The following NDE1 variants were observed in gnomAD, a reference collection of about 807,000 sequenced individuals.
NDE1 encodes nuclear distribution protein nudE homolog 1.
In NDE1, 28 loss-of-function variants were observed where a neutral mutation model predicts 43.4. The ratio of observed to expected loss-of-function variants is 0.65; its 90% confidence interval spans 0.48 to 0.89. The LOEUF is 0.89. Among genes scored for constraint, NDE1 ranks in the 40% least tolerant of loss-of-function variants. NDE1 has a pLI of 0.00. For missense variants in NDE1, 441 were observed against 434.1 expected (o/e 1.02, Z -0.14); for synonymous variants, 184 against 172.0 (o/e 1.07, Z -0.55).
At chr16:15,657,403 A>G (rs1317059788) in intron 1 of NDE1, among the ~76,000 whole-genome samples, 2 of 151,806 alleles carry the variant, frequency 1.3e-5, no homozygotes, top group Non-Finnish European at 2.9e-5. Context: ...CCAGCCACCA[A>G]TATCTTAATG....
rs1418678410 is a variant in NDE1, at chr16:15,719,718, A to T, written c.948-4473A>T. 2 of 1,614,012 alleles carry T rather than the reference A, an allele frequency of 1.2e-6. No homozygotes were observed. Among genetic ancestry groups the T allele is most frequent in the African/African-American group, 2.7e-5 (2 of 74,930 alleles). Reference sequence around the variant, plus strand: ...TTGAAAGTCCTTCATCTGAGCCTGCATGAGTCAACAGGGAGGACAAGCTCA... The same window carrying T: ...TTGAAAGTCCTTCATCTGAGCCTGCTTGAGTCAACAGGGAGGACAAGCTCA... On this transcript the variant is annotated intron_variant, in intron 8 of 8. Transcript: ENST00000396354.
intron 5 of NDE1, 46 bp from the exon 6 acceptor site, chr16:15,691,098 G>C: frequency 6.2e-7 from 1 of 1,612,506 alleles, no homozygotes; most frequent in South Asian, 1.1e-5. Context: ...ATGAGCCACT[G>C]CGCCTGGCTG....
Position 15,724,175 on chromosome 16 carries a change from T to C in NDE1, c.948-16T>C. ...ACGCCCTCTACCTGATCAAATTTCC[T>C]CTGCTTCTTTTCCAGGTTGGACACG... On this transcript the variant is annotated splice_polypyrimidine_tract_variant and intron_variant, in intron 8 of 8. Transcript: ENST00000396354. 1 of 1,613,782 alleles carries C rather than the reference T, an allele frequency of 6.2e-7. No individual in the cohort carries two copies. The highest frequency in any genetic ancestry group is 8.5e-7 in the Non-Finnish European group (1 of 1,180,046).
At chr16:15,690,414 G>A (rs928780684) in intron 5 of NDE1, among the ~76,000 whole-genome samples, 4 of 117,416 alleles carry the variant, frequency 3.4e-5, no homozygotes, top group Admixed American at 1.1e-4. Context: ...CCAGGCTGAA[G>A]TGGTATGATC....
In NDE1 at chr16:15,696,856, A is replaced by G. The variant is rs1411840314; in HGVS notation, c.943A>G (p.Lys315Glu). The change falls in exon 8 of 9, where the codon AAG becomes GAG. Residue 315 changes from lysine to glutamate, a missense_variant. Physicochemically the swap from Lys to Glu is moderately conservative, Grantham distance 56. Coordinates refer to ENST00000396354, the MANE Select transcript of NDE1 (RefSeq NM_017668.3). Reference protein sequence around the residue: ...PSSTSVPLGDKGLDTSCRWLS... With the variant: ...PSSTSVPLGDEGLDTSCRWLS... ...CAGCACCAGCGTGCCTTTGGGTGAT[A>G]AGGGGTCAGTACCTTCTAATAAACC... 2 of 1,614,054 alleles carry G rather than the reference A, an allele frequency of 1.2e-6. No homozygotes were observed. Among genetic ancestry groups the G allele is most frequent in the Admixed American group, 1.7e-5 (1 of 60,006 alleles).
intron 3 of NDE1, among the ~76,000 whole-genome samples, chr16:15,671,317 A>G (rs36108577): frequency 0.019 from 2,945 of 152,154 alleles, 77 homozygotes; most frequent in African/African-American, 0.055. Flanking sequence ...CAGCCTGGGC[A>G]ACATAGCGAG....
chr16:15,720,625 G>A (rs560934210), intron 8 of NDE1, among the ~76,000 whole-genome samples: 225 of 151,840 alleles, frequency 1.5e-3, no homozygotes, highest in African/African-American at 3.0e-3. Context: ...GGTGGCATGC[G>A]CCTGTAATCC....
chr16:15,669,245 G>A (rs1473588861), intron 3 of NDE1, among the ~76,000 whole-genome samples: 1 of 151,278 alleles, frequency 6.6e-6, no homozygotes, highest in Non-Finnish European at 1.5e-5. Context: ...CCAGGCTGGA[G>A]TGCAGTGGCA....
At chr16:15,708,404 C>A (rs967365746) in intron 8 of NDE1, among the ~76,000 whole-genome samples, 1 of 152,196 alleles carries the variant, frequency 6.6e-6, no homozygotes, top group African/African-American at 2.4e-5. Context: ...CATATTCATT[C>A]AGTGCAGTGT....
intron 5 of NDE1, among the ~76,000 whole-genome samples, chr16:15,690,101 C>T (rs1030807026): frequency 2.0e-5 from 3 of 151,914 alleles, no homozygotes; most frequent in Non-Finnish European, 2.9e-5. Flanking sequence ...AGTGCAGTGG[C>T]GTGATCTCAG....
upstream of NDE1, among the ~76,000 whole-genome samples, chr16:15,646,375 GAGACC>G (rs2036329804): frequency 6.6e-6 from 1 of 151,530 alleles, no homozygotes; most frequent in African/African-American, 2.4e-5. Context: ...TCAGGAGTTC[GAGACC>G]AGCCTGGCCA....
chr16:15,722,416 A>G (rs2040535280), intron 8 of NDE1, among the ~76,000 whole-genome samples: 1 of 152,178 alleles, frequency 6.6e-6, no homozygotes, highest in Non-Finnish European at 1.5e-5. Context: ...CTTCAGAGAG[A>G]ACAGAGCAGA....
intron 8 of NDE1, chr16:15,713,601 T>G (rs147007062): frequency 6.6e-6 from 1 of 152,236 alleles, no homozygotes; most frequent in Non-Finnish European, 1.5e-5. Flanking sequence ...GCTCCACTGA[T>G]CGTCCCACCT....
intron 1 of NDE1, among the ~76,000 whole-genome samples, chr16:15,658,252 G>C (rs188015922): frequency 1.1e-4 from 16 of 152,330 alleles, no homozygotes; most frequent in Admixed American, 1.0e-3. Context: ...TTTCATTTTT[G>C]ACAGCTATGC....
rs1596559589 is a variant in NDE1 at position 15,664,593 on chromosome 16, G to C, written c.-43-143G>C. On this transcript the variant is annotated intron_variant, in intron 1 of 8. Transcript: ENST00000396354. ...GGTGGTCTCGATCTCCTGACCTCGTGATCCGCCCGCCTCAGCCTCCCAAAG... is the reference window on the plus strand; with the variant it reads ...GGTGGTCTCGATCTCCTGACCTCGTCATCCGCCCGCCTCAGCCTCCCAAAG... The C allele has an allele frequency of 3.5e-5, 21 of 599,198 alleles. No homozygotes were observed. The East Asian group carries it at 6.0e-4, about 17-fold the overall frequency. The allele number at this position is 599,198 out of a possible 1,614,324, so 37.1% of individuals were successfully genotyped here.
chr16:15,686,427 C>A (rs2038442875), intron 4 of NDE1: 1 of 985,288 alleles, frequency 1.0e-6, no homozygotes, highest in Non-Finnish European at 1.2e-6. Context: ...TTATGCCCTT[C>A]ACAAGAAGGG....
rs1029427268 is a variant in NDE1 at position 15,680,938 on chromosome 16, T to C, written c.386+2989T>C. On this transcript the variant is annotated intron_variant, in intron 4 of 8. Coordinates refer to ENST00000396354, the MANE Select transcript of NDE1 (RefSeq NM_017668.3). ...ACTTTGTCTATTGTATCATTTTCCA[T>C]ACAAATATTTCCTTTTTTCTCTTTT... Among the ~76,000 whole-genome samples the C allele has an allele frequency of 3.3e-5, 5 of 152,198 alleles. No individual in the cohort carries two copies. The East Asian group carries it at 9.6e-4, about 29-fold the overall frequency.
At chr16:15,706,711 AAAAC>A (rs917560174) in intron 8 of NDE1, among the ~76,000 whole-genome samples, 2 of 152,126 alleles carry the variant, frequency 1.3e-5, no homozygotes, top group African/African-American at 2.4e-5. Context: ...TCCAAAAAAA[AAAAC>A]AAAAAAAAAT....
exon 1 of NDE1, chr16:15,643,505 C>T (rs988412183): frequency 2.6e-6 from 1 of 385,646 alleles, no homozygotes; most frequent in Non-Finnish European, 5.1e-6. Flanking sequence ...TAGAATTCAG[C>T]TCTTTCAGGC....
Sources: allele counts gnomAD v4.1 joint callset (sites outside exome capture counted in the v4.1 genomes callset), GRCh38; gene constraint gnomAD v4.1.1; transcripts MANE v1.5; gene names NCBI Gene and HGNC (gene_info 2026-07-23, HGNC 2026-07-21).